The following CNTNAP5 variants were observed in gnomAD, a reference collection of about 807,000 sequenced individuals.
The protein encoded by CNTNAP5 is contactin-associated protein-like 5.
Under a neutral mutation model 150.2 loss-of-function variants are expected in CNTNAP5, and 72 were observed. The observed-to-expected ratio is 0.48, with a 90% confidence interval of 0.40 to 0.58. CNTNAP5 has a LOEUF of 0.58. CNTNAP5 is among the 20% of genes least tolerant of loss of function. The pLI is 0.00. For missense variants in CNTNAP5, 1,636 were observed against 1,626.2 expected (o/e 1.01, Z -0.10); for synonymous variants, 672 against 619.8 (o/e 1.08, Z -1.25).
chr2:124,849,751 A>G (rs1474078093), intron 19 of CNTNAP5, among the ~76,000 whole-genome samples: 1 of 152,198 alleles, frequency 6.6e-6, no homozygotes, highest in Non-Finnish European at 1.5e-5. Context: ...TGTACATGCA[A>G]TGGTTCCAGG....
At chr2:124,884,097 C>T (rs1285650517) in intron 21 of CNTNAP5, among the ~76,000 whole-genome samples, 1 of 152,014 alleles carries the variant, frequency 6.6e-6, no homozygotes, top group African/African-American at 2.4e-5. Context: ...TGTCTGTGTG[C>T]ATGTACATGT....
intron 11 of CNTNAP5, among the ~76,000 whole-genome samples, chr2:124,587,825 C>T (rs543548854): frequency 6.6e-6 from 1 of 152,010 alleles, no homozygotes; most frequent in Non-Finnish European, 1.5e-5. Context: ...GGGAAACATT[C>T]TTAACTTACA....
At chr2:124,659,353 C>T (rs1270189628) in intron 13 of CNTNAP5, among the ~76,000 whole-genome samples, 4 of 151,796 alleles carry the variant, frequency 2.6e-5, no homozygotes, top group African/African-American at 4.8e-5. Context: ...GATTTCACAG[C>T]GAAGATATGA....
chr2:124,200,107 G>A (rs532236664), intron 1 of CNTNAP5, among the ~76,000 whole-genome samples: 5 of 152,198 alleles, frequency 3.3e-5, no homozygotes, highest in African/African-American at 1.2e-4. Context: ...GCTCTAGATT[G>A]GCATAGACAC....
chr2:124,735,020 A>G (rs963262411), intron 13 of CNTNAP5, among the ~76,000 whole-genome samples: 1 of 152,186 alleles, frequency 6.6e-6, no homozygotes, highest in Admixed American at 6.5e-5. Context: ...AGTTTTCAAA[A>G]ACCCATATCC....
At chr2:124,189,769 C>A (rs1038650176) in intron 1 of CNTNAP5, among the ~76,000 whole-genome samples, 31 of 152,148 alleles carry the variant, frequency 2.0e-4, no homozygotes, top group African/African-American at 7.0e-4. Context: ...AGATTCCACA[C>A]CTTGCAGGGC....
At chr2:124,438,309 A>T (rs561975393) in intron 5 of CNTNAP5, among the ~76,000 whole-genome samples, 1 of 152,164 alleles carries the variant, frequency 6.6e-6, no homozygotes, top group Non-Finnish European at 1.5e-5. Context: ...CAAATTGCCC[A>T]TGGCAGTCTG....
chr2:124,885,433 T>C (rs1202723936), intron 21 of CNTNAP5, among the ~76,000 whole-genome samples: 1 of 152,000 alleles, frequency 6.6e-6, no homozygotes, highest in Non-Finnish European at 1.5e-5. Flanking sequence ...TCTTTATTTT[T>C]TATTGAAGTG....
intron 1 of CNTNAP5, among the ~76,000 whole-genome samples, chr2:124,063,239 C>A (rs140067156): frequency 9.7e-4 from 147 of 152,124 alleles, no homozygotes; most frequent in Non-Finnish European, 1.7e-3. Flanking sequence ...AACAAAAAGT[C>A]ATTCAACACT....
At chr2:124,765,952 G>C (rs1044714264) in intron 16 of CNTNAP5, among the ~76,000 whole-genome samples, 2 of 151,042 alleles carry the variant, frequency 1.3e-5, no homozygotes, top group African/African-American at 2.4e-5. Flanking sequence ...GTGAAACTTT[G>C]TCTCAGAAAA....
chr2:124,351,233 C>A (rs917566126), intron 3 of CNTNAP5, among the ~76,000 whole-genome samples: 1 of 152,208 alleles, frequency 6.6e-6, no homozygotes, highest in East Asian at 1.9e-4. Context: ...ACTTTGCAGA[C>A]CCCTGAGAGT....
In CNTNAP5 at chr2:124,466,364, T is replaced by C. The variant is rs73952983; in HGVS notation, c.919-8375T>C. 2.4e-3 allele frequency among the ~76,000 whole-genome samples: 370 copies of C among 152,248 alleles called. 4 individuals carry two copies. The highest frequency in any genetic ancestry group is 8.3e-3 in the African/African-American group (346 of 41,562). On this transcript the variant is annotated intron_variant, in intron 6 of 23. Coordinates refer to ENST00000682447, the MANE Select transcript of CNTNAP5 (RefSeq NM_001367498.1). ...TGACTTAAAATTTGATGGTTTCCTG[T>C]AGATTTTGGTCACTAGTATGCTTGC...
intron 8 of CNTNAP5, among the ~76,000 whole-genome samples, chr2:124,509,698 C>CAT (rs1213482634): frequency 6.6e-6 from 1 of 152,166 alleles, no homozygotes; most frequent in East Asian, 1.9e-4. Flanking sequence ...ATTCATTGTG[C>CAT]ATACTGTCCA....
At chr2:124,780,896 T>C (rs1431727368) in intron 17 of CNTNAP5, among the ~76,000 whole-genome samples, 1 of 152,250 alleles carries the variant, frequency 6.6e-6, no homozygotes, top group African/African-American at 2.4e-5. Context: ...AGCCAGACTA[T>C]ATGATTGTTT....
chr2:124,070,266 G>T (rs183299729), intron 1 of CNTNAP5, among the ~76,000 whole-genome samples: 2 of 151,608 alleles, frequency 1.3e-5, no homozygotes, highest in Admixed American at 1.3e-4. Context: ...AGGAAAGAAA[G>T]AAGCAAAACC....
chr2:124,657,275 T>C (rs1370188954), intron 13 of CNTNAP5, among the ~76,000 whole-genome samples: 1 of 152,204 alleles, frequency 6.6e-6, no homozygotes, highest in African/African-American at 2.4e-5. Context: ...GTTAGGTCTA[T>C]GTTCCTCTCC....
At chr2:124,512,033 T>G (rs1694604209) in intron 8 of CNTNAP5, among the ~76,000 whole-genome samples, 1 of 151,866 alleles carries the variant, frequency 6.6e-6, no homozygotes, top group Non-Finnish European at 1.5e-5. Context: ...TCAACCTATG[T>G]TAGTAGAGGA....
intron 19 of CNTNAP5, among the ~76,000 whole-genome samples, chr2:124,816,704 C>T (rs1682371287): frequency 6.6e-6 from 1 of 151,974 alleles, no homozygotes; most frequent in Non-Finnish European, 1.5e-5. Context: ...TCTTGAACTC[C>T]TGACCTCAGG....
chr2:124,398,802 G>T (rs1558883400), intron 3 of CNTNAP5, among the ~76,000 whole-genome samples: 1 of 152,108 alleles, frequency 6.6e-6, no homozygotes, highest in Non-Finnish European at 1.5e-5. Context: ...TAAAGGTAAT[G>T]AACTCGCTTG....
Sources: gnomAD v4.1 joint callset for allele counts (sites outside exome capture counted in the v4.1 genomes callset) on GRCh38, gnomAD v4.1.1 for gene constraint, MANE v1.5 for transcripts, NCBI Gene and HGNC (gene_info 2026-07-23, HGNC 2026-07-21) for gene names.